The following CNTN4 variants were observed in gnomAD, a reference collection of about 807,000 sequenced individuals.
The protein encoded by CNTN4 is contactin-4.
Under a neutral mutation model 122.5 loss-of-function variants are expected in CNTN4, and 77 were observed. That is an observed-to-expected ratio of 0.63 (90% CI 0.52 to 0.76). The LOEUF (loss-of-function observed/expected upper bound fraction) is 0.76, where lower values mean the gene tolerates loss of function less well. Ranked by LOEUF, CNTN4 falls within the 30% of genes least tolerant of loss-of-function variation. The pLI, the probability that CNTN4 is intolerant of heterozygous loss-of-function variation, is 0.00. For synonymous variants in CNTN4, 512 were observed against 447.0 expected, an observed-to-expected ratio of 1.15 and a Z score of -1.83; for missense variants, 1,256 against 1,259.1, an observed-to-expected ratio of 1.00 and a Z score of 0.04.
chr3:2,814,926 T>G (rs1414090816), intron 6 of CNTN4, among the ~76,000 whole-genome samples: 3 of 152,204 alleles, frequency 2.0e-5, no homozygotes, highest in African/African-American at 7.2e-5. Flanking sequence ...GCAAGTCAAT[T>G]CTATTGTTGC....
At chr3:2,327,703 A>G (rs1454034157) in intron 2 of CNTN4, among the ~76,000 whole-genome samples, 1 of 152,208 alleles carries the variant, frequency 6.6e-6, no homozygotes, top group East Asian at 1.9e-4. Context: ...GGTGGGAACT[A>G]GTGATCTTCC....
chr3:2,567,817 A>C lies in CNTN4; in HGVS notation c.-88-3599A>C, dbSNP rs1026291779. Among the ~76,000 whole-genome samples the C allele has an allele frequency of 2.0e-5, 3 of 152,240 alleles. No homozygotes were observed. In the East Asian group the frequency reaches 5.8e-4, roughly 29 times the overall value. On this transcript the variant is annotated intron_variant, in intron 3 of 24. Transcript: ENST00000418658. ...ATTTATCCTTTAAGAATCAGTTCAAAATGGTAGCCCCTTTGAGGAGCTTTC... is the reference window on the plus strand; with the variant it reads ...ATTTATCCTTTAAGAATCAGTTCAACATGGTAGCCCCTTTGAGGAGCTTTC...
At chr3:2,409,017 G>A (rs939081744) in intron 3 of CNTN4, among the ~76,000 whole-genome samples, 1 of 152,064 alleles carries the variant, frequency 6.6e-6, no homozygotes, top group African/African-American at 2.4e-5. Context: ...GTCAGATTAG[G>A]ATTGTGTCTT....
At chr3:2,493,467 G>A (rs532150496) in intron 3 of CNTN4, among the ~76,000 whole-genome samples, 101 of 150,334 alleles carry the variant, frequency 6.7e-4, no homozygotes, top group African/African-American at 2.4e-3. Context: ...ATTTTACAGG[G>A]CTGGAGATGC....
At chr3:2,498,776 T>C (rs567765326) in intron 3 of CNTN4, among the ~76,000 whole-genome samples, 1 of 152,078 alleles carries the variant, frequency 6.6e-6, no homozygotes, top group South Asian at 2.1e-4. Flanking sequence ...GCCACTGCAA[T>C]TTTTCCTCTT....
intron 4 of CNTN4, among the ~76,000 whole-genome samples, chr3:2,585,527 A>G (rs112659050): frequency 0.026 from 3,887 of 152,250 alleles, 56 homozygotes; most frequent in Middle Eastern, 0.078. Flanking sequence ...TGATGAGTTC[A>G]TGTCCTTTGT....
At chr3:2,417,005 C>G (rs1159548989) in intron 3 of CNTN4, among the ~76,000 whole-genome samples, 1 of 152,284 alleles carries the variant, frequency 6.6e-6, no homozygotes, top group East Asian at 1.9e-4. Context: ...GCAGAAGTCT[C>G]ACAGTTTGAG....
chr3:2,825,242 T>C (rs999501706), intron 7 of CNTN4, among the ~76,000 whole-genome samples: 15 of 151,998 alleles, frequency 9.9e-5, no homozygotes, highest in African/African-American at 3.4e-4. Flanking sequence ...TTTATTTTAT[T>C]TGGGACAGAG....
rs543352998 is a variant in CNTN4, at chr3:2,719,357, A to G, written c.56-16858A>G. ...GTCGCCCAGGCTGGAATGCAGTGTC[A>G]TGATCTCGGCTCACTGCAACCTCGC... On this transcript the variant is annotated intron_variant, in intron 4 of 24. Transcript: ENST00000418658. 2.7e-5 allele frequency among the ~76,000 whole-genome samples: 4 copies of G among 150,074 alleles called. No individual in the cohort carries two copies. The East Asian group carries it at 8.0e-4, about 30-fold the overall frequency.
intron 4 of CNTN4, among the ~76,000 whole-genome samples, chr3:2,660,659 T>C (rs549273933): frequency 1.3e-5 from 2 of 152,360 alleles, no homozygotes; most frequent in East Asian, 3.9e-4. Flanking sequence ...AATTATCTTC[T>C]TTTGGGGATT....
At chr3:2,517,362 A>G (rs576445419) in intron 3 of CNTN4, among the ~76,000 whole-genome samples, 6 of 152,216 alleles carry the variant, frequency 3.9e-5, no homozygotes, top group African/African-American at 1.4e-4. Context: ...CTGCCAGTAA[A>G]TTACCTTGAT....
chr3:2,143,204 C>T (rs1268452245), intron 2 of CNTN4, among the ~76,000 whole-genome samples: 1 of 152,120 alleles, frequency 6.6e-6, no homozygotes, highest in Non-Finnish European at 1.5e-5. Context: ...TTCTTTGTTA[C>T]TTAGAATTAA....
intron 3 of CNTN4, among the ~76,000 whole-genome samples, chr3:2,520,259 CTTTTTTTTTTTT>C (rs397988483): frequency 2.9e-3 from 215 of 74,468 alleles, no homozygotes; most frequent in African/African-American, 0.014. Flanking sequence ...TGATTGCTTC[CTTTTTTTTTTTT>C]TTTTTTTTTT....
At chr3:2,554,400 G>T (rs2149382219) in intron 3 of CNTN4, among the ~76,000 whole-genome samples, 1 of 152,078 alleles carries the variant, frequency 6.6e-6, no homozygotes, top group South Asian at 2.1e-4. Context: ...AAGTACCACT[G>T]GTCAGCTCAG....
intron 15 of CNTN4, among the ~76,000 whole-genome samples, chr3:3,030,618 G>A (rs1036224980): frequency 2.0e-5 from 3 of 152,180 alleles, no homozygotes; most frequent in African/African-American, 7.2e-5. Context: ...GTGCCAAACT[G>A]CTCCAGAGAC....
chr3:2,219,890 A>G (rs949225263), intron 2 of CNTN4, among the ~76,000 whole-genome samples: 13 of 152,052 alleles, frequency 8.5e-5, no homozygotes, highest in African/African-American at 2.9e-4. Flanking sequence ...CCATGCTTCT[A>G]TTTATTTCCC....
At chr3:2,122,016 C>CATG (rs2033821075) in intron 2 of CNTN4, among the ~76,000 whole-genome samples, 8 of 134,878 alleles carry the variant, frequency 5.9e-5, no homozygotes, top group Non-Finnish European at 1.3e-4. Context: ...ATTAGCCGGG[C>CATG]GTGGTGGCGG....
At chr3:2,734,726 C>A (rs1179402621) in intron 4 of CNTN4, among the ~76,000 whole-genome samples, 1 of 148,674 alleles carries the variant, frequency 6.7e-6, no homozygotes, top group African/African-American at 2.5e-5. Flanking sequence ...GATCCCCAAA[C>A]CAACTTTATT....
At chr3:3,008,916 A>G in intron 14 of CNTN4, 1 of 982,666 alleles carries the variant, frequency 1.0e-6, no homozygotes, top group Non-Finnish European at 1.2e-6. Flanking sequence ...AAGATCTAAT[A>G]AGCTGTGAGA....
Sources: gnomAD v4.1 joint callset for allele counts (sites outside exome capture counted in the v4.1 genomes callset) on GRCh38, gnomAD v4.1.1 for gene constraint, MANE v1.5 for transcripts, NCBI Gene and HGNC (gene_info 2026-07-23, HGNC 2026-07-21) for gene names.